The following SERINC5 variants were observed in gnomAD, a reference collection of about 807,000 sequenced individuals.
The protein encoded by SERINC5 is chromosome 5 open reading frame 12.
In SERINC5, 41 loss-of-function variants were observed where a neutral mutation model predicts 63.1. The ratio of observed to expected loss-of-function variants is 0.65; its 90% confidence interval spans 0.51 to 0.84. The LOEUF (loss-of-function observed/expected upper bound fraction) is 0.84. Among genes scored for constraint, SERINC5 ranks in the 40% least tolerant of loss-of-function variants. The pLI is 0.00. For missense variants in SERINC5, 523 were observed against 573.0 expected, an observed-to-expected ratio of 0.91 and a Z score of 0.89; for synonymous variants, 222 against 215.2, an observed-to-expected ratio of 1.03 and a Z score of -0.28.
intron 7 of SERINC5, among the ~76,000 whole-genome samples, chr5:80,161,842 C>T (rs1007320727): frequency 6.6e-6 from 1 of 152,152 alleles, no homozygotes; most frequent in Non-Finnish European, 1.5e-5. Context: ...TCAGGTCTTA[C>T]ATGTAAGTCT....
intron 11 of SERINC5, among the ~76,000 whole-genome samples, chr5:80,127,049 T>G (rs1420829554): frequency 1.3e-5 from 2 of 152,166 alleles, no homozygotes; most frequent in Non-Finnish European, 2.9e-5. Flanking sequence ...ACTGACAGCC[T>G]ATGTGACAGG....
downstream of SERINC5, among the ~76,000 whole-genome samples, chr5:80,136,348 G>A (rs1169249339): frequency 1.3e-5 from 2 of 152,142 alleles, no homozygotes; most frequent in Non-Finnish European, 2.9e-5. Flanking sequence ...ATAAGGGCAG[G>A]AAAAAGGAAG....
chr5:80,119,838 C>G (rs967381538), intron 11 of SERINC5, among the ~76,000 whole-genome samples: 3 of 152,202 alleles, frequency 2.0e-5, no homozygotes, highest in African/African-American at 7.2e-5. Flanking sequence ...GGGATAGGAA[C>G]CAACCATTTT....
chr5:80,163,912 C>T (rs1201694180), intron 7 of SERINC5, among the ~76,000 whole-genome samples: 1 of 152,050 alleles, frequency 6.6e-6, no homozygotes, highest in African/African-American at 2.4e-5. Flanking sequence ...GTTCTCTCCT[C>T]CTCCATTTTT....
At chr5:80,213,245 C>CAAAAAAAAAAAAAAAAAA (rs57289084) in intron 1 of SERINC5, among the ~76,000 whole-genome samples, 7 of 132,658 alleles carry the variant, frequency 5.3e-5, no homozygotes, top group Admixed American at 8.2e-5. Flanking sequence ...GACTGCATCT[C>CAAAAAAAAAAAAAAAAAA]AAAGAAAGAA....
chr5:80,120,267 G>T (rs150777797), intron 11 of SERINC5, among the ~76,000 whole-genome samples: 1 of 152,174 alleles, frequency 6.6e-6, no homozygotes, highest in African/African-American at 2.4e-5. Context: ...AGGGGATATG[G>T]TTCTAAGTTA....
intron 2 of SERINC5, chr5:80,198,694 C>A: frequency 2.0e-6 from 2 of 985,370 alleles, no homozygotes; most frequent in South Asian, 9.4e-5. Flanking sequence ...AACACCCGCC[C>A]GCAAGCACCC....
Position 80,146,073 on chromosome 5 carries a change from G to A in SERINC5, c.1238+17C>T, listed in dbSNP as rs750398287. 1.2e-6 allele frequency: 2 copies of A among 1,613,544 alleles called. No individual in the cohort carries two copies. The highest frequency in any genetic ancestry group is 2.2e-5 in the East Asian group (1 of 44,868). Reference sequence around the variant, plus strand: ...AAGGCTTTGCTTCAAAAATACCTAAGCAAATGGGCCACTCACTTGAACCAG... The same window carrying A: ...AAGGCTTTGCTTCAAAAATACCTAAACAAATGGGCCACTCACTTGAACCAG... On this transcript the variant is annotated intron_variant, in intron 11 of 11. Transcript: ENST00000507668.
In SERINC5 at chr5:80,175,033, C is replaced by T; in HGVS notation, c.472G>A (p.Gly158Arg). The stretch of plus-strand genomic sequence containing the variant: ...ATGAAGAGGAAGCCTCCGACGGCTC[C>T]CACATAGCGCCAGGCTGCAAAAGAC... ...DTFLNAWRYV[G>R]AVGGFLFIGI... The change falls in exon 5 of 12, where the codon GGA (glycine) becomes AGA (arginine). Residue 158 changes from glycine to arginine, a missense_variant. Gly to Arg is a moderately radical substitution (Grantham distance 125, BLOSUM62 -2). Coordinates refer to ENST00000507668, the MANE Select transcript of SERINC5 (RefSeq NM_001174072.3). 6.3e-7 allele frequency: 1 copy of T among 1,593,528 alleles called. No individual in the cohort carries two copies. The highest frequency in any genetic ancestry group is 8.6e-7 in the Non-Finnish European group (1 of 1,169,460).
chr5:80,146,762 A>T (rs551867875), intron 10 of SERINC5, among the ~76,000 whole-genome samples: 26 of 152,282 alleles, frequency 1.7e-4, no homozygotes, highest in Admixed American at 1.6e-3. Flanking sequence ...GCCCTGCCAC[A>T]TTTATTTTAA....
At chr5:80,137,945 G>A (rs1162967692), downstream of SERINC5, among the ~76,000 whole-genome samples, 2 of 151,540 alleles carry the variant, frequency 1.3e-5, no homozygotes, top group East Asian at 3.9e-4. Flanking sequence ...CTCAAAAAAA[G>A]GAAAAGTGGT....
At chr5:80,214,636 C>G (rs1212177064) in intron 1 of SERINC5, among the ~76,000 whole-genome samples, 1 of 152,122 alleles carries the variant, frequency 6.6e-6, no homozygotes, top group South Asian at 2.1e-4. Context: ...GTGGCTCATG[C>G]CTGTAATCCC....
At chr5:80,128,927 GCTTT>G (rs886454741) in intron 11 of SERINC5, 13 of 152,028 alleles carry the variant, frequency 8.6e-5, no homozygotes, top group African/African-American at 2.2e-4. Context: ...CTGCAGATTG[GCTTT>G]CTTTCTATGT....
chr5:80,166,564 A>C, intron 6 of SERINC5, 86 bp from the exon 7 acceptor site: 1 of 810,022 alleles, frequency 1.2e-6, no homozygotes, highest in Non-Finnish European at 2.0e-6. Context: ...TCCCCATGAC[A>C]GTCCTCAAAC....
At chr5:80,225,944 A>G (rs959415046) in intron 1 of SERINC5, among the ~76,000 whole-genome samples, 1 of 152,064 alleles carries the variant, frequency 6.6e-6, no homozygotes, top group East Asian at 1.9e-4. Flanking sequence ...CCCAGCACTC[A>G]TTATAAGTAA....
chr5:80,173,337 T>C (rs950444651), intron 5 of SERINC5, among the ~76,000 whole-genome samples: 7 of 152,062 alleles, frequency 4.6e-5, no homozygotes, highest in Admixed American at 6.6e-5. Flanking sequence ...GGCTCACGCC[T>C]GTAATCCCAG....
At chr5:80,255,333 G>A (rs1172827256) in intron 1 of SERINC5, 4 of 154,660 alleles carry the variant, frequency 2.6e-5, no homozygotes, top group African/African-American at 9.7e-5. Context: ...CAGGAAGCAG[G>A]GCTGAGTTTT....
chr5:80,239,412 C>CT (rs1281602922), intron 1 of SERINC5, among the ~76,000 whole-genome samples: 1 of 916 alleles, frequency 1.1e-3, no homozygotes, highest in Non-Finnish European at 2.4e-3. Context: ...GGCACAATCC[C>CT]CCTTGTCAGC....
chr5:80,183,594 G>C (rs1210332378), intron 2 of SERINC5, among the ~76,000 whole-genome samples: 1 of 152,090 alleles, frequency 6.6e-6, no homozygotes, highest in African/African-American at 2.4e-5. Flanking sequence ...CTTAACTGAT[G>C]ACATTCCACC....
Sources: allele counts gnomAD v4.1 joint callset (sites outside exome capture counted in the v4.1 genomes callset), GRCh38; gene constraint gnomAD v4.1.1; transcripts MANE v1.5; gene names NCBI Gene and HGNC (gene_info 2026-07-23, HGNC 2026-07-21).